The following VWC2L variants were observed in gnomAD, a reference collection of about 807,000 sequenced individuals.
VWC2L encodes the protein von Willebrand factor C domain-containing protein 2-like.
In VWC2L, 10 loss-of-function variants were observed where a neutral mutation model predicts 21.6. The ratio of observed to expected loss-of-function variants is 0.46; its 90% CI spans 0.29 to 0.78. The LOEUF (loss-of-function observed/expected upper bound fraction) is 0.78. VWC2L is among the 30% of genes least tolerant of loss of function. The pLI is 0.10. For missense variants in VWC2L, 209 were observed against 277.1 expected, an observed-to-expected ratio of 0.75 and a Z score of 1.74; for synonymous variants, 96 against 94.3, an observed-to-expected ratio of 1.02 and a Z score of -0.10.
intron 3 of VWC2L, among the ~76,000 whole-genome samples, chr2:214,512,120 T>C (rs1327977270): frequency 3.3e-5 from 5 of 152,036 alleles, no homozygotes; most frequent in Non-Finnish European, 7.4e-5. Flanking sequence ...TATGGTTTCA[T>C]AGAGTGCACA....
intron 3 of VWC2L, among the ~76,000 whole-genome samples, chr2:214,510,793 G>T (rs1470506062): frequency 6.6e-6 from 1 of 152,086 alleles, no homozygotes; most frequent in African/African-American, 2.4e-5. Flanking sequence ...CCTAGATTTT[G>T]CTCTACTCTT....
At chr2:214,544,634 G>A (rs56762680) in intron 3 of VWC2L, among the ~76,000 whole-genome samples, 2 of 152,094 alleles carry the variant, frequency 1.3e-5, no homozygotes, top group Non-Finnish European at 2.9e-5. Context: ...ATGGCGAATG[G>A]CACACAGGTT....
At chr2:214,539,256 A>C (rs1689589934) in intron 3 of VWC2L, among the ~76,000 whole-genome samples, 1 of 152,156 alleles carries the variant, frequency 6.6e-6, no homozygotes, top group African/African-American at 2.4e-5. Flanking sequence ...AATTGGCATC[A>C]AGGGAAACGA....
At chr2:214,432,720 C>T (rs1309118319) in intron 2 of VWC2L, among the ~76,000 whole-genome samples, 1 of 152,066 alleles carries the variant, frequency 6.6e-6, no homozygotes, top group African/African-American at 2.4e-5. Flanking sequence ...TTGGAATTGC[C>T]ATACAAGGTA....
At chr2:214,519,704 C>T (rs967727108) in intron 3 of VWC2L, among the ~76,000 whole-genome samples, 2 of 152,120 alleles carry the variant, frequency 1.3e-5, no homozygotes, top group African/African-American at 4.8e-5. Flanking sequence ...CATATTGTTT[C>T]TTTCCACTGG....
chr2:214,453,905 G>T (rs1703014038), intron 3 of VWC2L, among the ~76,000 whole-genome samples: 1 of 151,886 alleles, frequency 6.6e-6, no homozygotes, highest in Non-Finnish European at 1.5e-5. Flanking sequence ...CATTTTAGTA[G>T]AGATGGGGTT....
chr2:214,568,102 G>A (rs1451623691), intron 3 of VWC2L, among the ~76,000 whole-genome samples: 1 of 152,162 alleles, frequency 6.6e-6, no homozygotes, highest in African/African-American at 2.4e-5. Context: ...TTAGTTCTCT[G>A]CCCTTTAACA....
intron 3 of VWC2L, among the ~76,000 whole-genome samples, chr2:214,538,547 T>C (rs1689574104): frequency 1.3e-5 from 2 of 152,010 alleles, no homozygotes; most frequent in East Asian, 1.9e-4. Flanking sequence ...TACTGCAACA[T>C]AGACGCAAAT....
At chr2:214,545,247 T>C (rs1175117102) in intron 3 of VWC2L, among the ~76,000 whole-genome samples, 1 of 152,212 alleles carries the variant, frequency 6.6e-6, no homozygotes, top group Non-Finnish European at 1.5e-5. Context: ...CAAGGTACTT[T>C]AGGAGCACTG....
intron 2 of VWC2L, among the ~76,000 whole-genome samples, chr2:214,434,250 C>T (rs1406276414): frequency 6.6e-6 from 1 of 152,100 alleles, no homozygotes; most frequent in Non-Finnish European, 1.5e-5. Flanking sequence ...TTGGTCTTTA[C>T]TGGATTATTA....
intron 3 of VWC2L, among the ~76,000 whole-genome samples, chr2:214,442,216 A>G (rs1427441511): frequency 1.3e-5 from 2 of 152,088 alleles, no homozygotes; most frequent in Non-Finnish European, 2.9e-5. Context: ...GGACAATAAG[A>G]TATCATTTTA....
chr2:214,436,584 A>C, intron 2 of VWC2L, 45 bp from the exon 3 acceptor site: 1 of 1,605,828 alleles, frequency 6.2e-7, no homozygotes, highest in South Asian at 1.1e-5. Context: ...ATGTGCAAGC[A>C]TTAAGTTATA....
intron 3 of VWC2L, among the ~76,000 whole-genome samples, chr2:214,481,549 T>C (rs907662992): frequency 3.3e-5 from 5 of 152,250 alleles, no homozygotes; most frequent in South Asian, 4.1e-4. Context: ...CCCAGAACTA[T>C]GAGAAAGAAC....
At chr2:214,509,046 A>G (rs1317450428) in intron 3 of VWC2L, among the ~76,000 whole-genome samples, 1 of 151,622 alleles carries the variant, frequency 6.6e-6, no homozygotes, top group African/African-American at 2.4e-5. Flanking sequence ...CTCTGGAATC[A>G]CTCTGAGGGG....
At chr2:214,497,706 G>A (rs10186485) in intron 3 of VWC2L, among the ~76,000 whole-genome samples, 25,086 of 152,064 alleles carry the variant, frequency 0.16, 2,187 homozygotes, top group East Asian at 0.25. Context: ...CAGTGGTGAC[G>A]AAAATGCCTG....
chr2:214,427,455 G>T (rs1201242417), intron 2 of VWC2L, among the ~76,000 whole-genome samples: 1 of 152,102 alleles, frequency 6.6e-6, no homozygotes, highest in Non-Finnish European at 1.5e-5. Context: ...TCTGTTTTTG[G>T]CAAGAATCTG....
intron 2 of VWC2L, among the ~76,000 whole-genome samples, chr2:214,416,423 TC>T (rs1448943760): frequency 1.3e-5 from 2 of 152,112 alleles, no homozygotes; most frequent in Non-Finnish European, 2.9e-5. Flanking sequence ...CACAGCTTTT[TC>T]ACCTGGCTTT....
chr2:214,448,876 G>C (rs1158984437), intron 3 of VWC2L, among the ~76,000 whole-genome samples: 1 of 152,060 alleles, frequency 6.6e-6, no homozygotes, highest in Non-Finnish European at 1.5e-5. Context: ...CCCTTAGAAG[G>C]TACCATCAGC....
chr2:214,425,926 C>A (rs1166765179), intron 2 of VWC2L, among the ~76,000 whole-genome samples: 1 of 152,034 alleles, frequency 6.6e-6, no homozygotes, highest in Non-Finnish European at 1.5e-5. Context: ...AAAACCAGCA[C>A]TTTGGGAGGC....
Sources: gnomAD v4.1 joint callset for allele counts (sites outside exome capture counted in the v4.1 genomes callset) on GRCh38, gnomAD v4.1.1 for gene constraint, MANE v1.5 for transcripts, NCBI Gene and HGNC (gene_info 2026-07-23, HGNC 2026-07-21) for gene names.